SCD5: variants seen among roughly 807,000 people sequenced by gnomAD.
SCD5 encodes acyl-CoA-desaturase 4.
Under a neutral mutation model 30.4 loss-of-function variants are expected in SCD5, and 20 were observed. The observed-to-expected ratio is 0.66, with a 90% confidence interval of 0.46 to 0.96. The LOEUF (loss-of-function observed/expected upper bound fraction) is 0.96, where lower values mean the gene tolerates loss of function less well. Ranked by LOEUF, SCD5 falls within the 40% of genes least tolerant of loss-of-function variation. The pLI is 0.00. For missense variants in SCD5, 381 were observed against 443.3 expected (o/e 0.86, Z 1.26); for synonymous variants, 173 against 176.4 (o/e 0.98, Z 0.16).
intron 3 of SCD5, among the ~76,000 whole-genome samples, chr4:82,653,614 A>T (rs1727800727): frequency 6.6e-6 from 1 of 151,772 alleles, no homozygotes; most frequent in Admixed American, 6.6e-5. Context: ...GAAAGTTTTC[A>T]TTATCACAAA....
intron 1 of SCD5, among the ~76,000 whole-genome samples, chr4:82,733,991 C>G (rs1464523575): frequency 6.6e-6 from 1 of 152,092 alleles, no homozygotes; most frequent in Non-Finnish European, 1.5e-5. Flanking sequence ...AAAATGGCCA[C>G]TATTACATAC....
rs1389407673 is a variant in SCD5, at chr4:82,681,052, A to C, written c.364-140T>G. 8.9e-6 allele frequency: 6 copies of C among 671,024 alleles called. No homozygotes were observed. The East Asian group carries it at 1.6e-4, about 18-fold the overall frequency. The allele number at this position is 671,024 out of a possible 1,614,324, so 41.6% of individuals were successfully genotyped here. On this transcript the variant is annotated intron_variant, in intron 2 of 4. Transcript: ENST00000319540. ...TCCTGTCTTCAACCCACAGTCCCTC[A>C]ACCTCAAGTTCAATCCCCTGTGGTC...
At position 82,769,903 on chromosome 4, in the gene SCD5, T is replaced by TTAAAACTA. The variant is rs1284995868; in HGVS notation, c.232+28395_232+28402dup. ...CTATTCTTGCAACTTTTTTATAAGT[T>TTAAAACTA]TAAAACTATATCAAAATAAAAACTT... On this transcript the variant is annotated intron_variant, in intron 1 of 4. Transcript: ENST00000319540. 3.3e-5 allele frequency among the ~76,000 whole-genome samples: 5 copies of TTAAAACTA among 152,206 alleles called. No homozygotes were observed. In the East Asian group the frequency reaches 9.6e-4, roughly 29 times the overall value.
intron 2 of SCD5, among the ~76,000 whole-genome samples, chr4:82,701,865 G>T (rs1015343179): frequency 2.6e-5 from 4 of 152,158 alleles, no homozygotes; most frequent in Non-Finnish European, 1.5e-5. Flanking sequence ...ATGCATGAGC[G>T]TGACAGCACA....
chr4:82,795,724 C>T (rs1026520443), intron 1 of SCD5, among the ~76,000 whole-genome samples: 6 of 128,880 alleles, frequency 4.7e-5, no homozygotes, highest in Non-Finnish European at 3.1e-5. Flanking sequence ...TGGGAGGCTG[C>T]GGTGGGAGCA....
At chr4:82,672,953 T>C (rs1728359422) in intron 3 of SCD5, among the ~76,000 whole-genome samples, 1 of 152,052 alleles carries the variant, frequency 6.6e-6, no homozygotes, top group African/African-American at 2.4e-5. Flanking sequence ...CACATGACCA[T>C]ATCAATAGAT....
At chr4:82,701,088 C>T (rs371806492) in intron 2 of SCD5, among the ~76,000 whole-genome samples, 1 of 152,104 alleles carries the variant, frequency 6.6e-6, no homozygotes, top group African/African-American at 2.4e-5. Flanking sequence ...TCGTAAAAGA[C>T]AGGAGGGAGA....
chr4:82,734,270 C>A (rs1454124140), intron 1 of SCD5, among the ~76,000 whole-genome samples: 2 of 152,114 alleles, frequency 1.3e-5, no homozygotes, highest in African/African-American at 4.8e-5. Context: ...CCCATACTGG[C>A]CTCCCTCACT....
At chr4:82,631,620 G>T in intron 4 of SCD5, 103 bp from the exon 5 acceptor site, 1 of 1,217,764 alleles carries the variant, frequency 8.2e-7, no homozygotes, top group Non-Finnish European at 1.1e-6. Context: ...AGGACATGGT[G>T]TCAGCCTCTG....
chr4:82,678,007 G>A (rs1728471896), intron 3 of SCD5, among the ~76,000 whole-genome samples: 1 of 151,908 alleles, frequency 6.6e-6, no homozygotes, highest in South Asian at 2.1e-4. Flanking sequence ...TCTCCTGTTT[G>A]GCCTGTACTC....
At chr4:82,664,728 T>G (rs565578718) in intron 3 of SCD5, among the ~76,000 whole-genome samples, 3 of 152,126 alleles carry the variant, frequency 2.0e-5, no homozygotes, top group African/African-American at 7.2e-5. Context: ...CTTGAAGATA[T>G]GCCAATAGAA....
At chr4:82,712,519 T>C (rs576406148) in intron 1 of SCD5, among the ~76,000 whole-genome samples, 17 of 151,088 alleles carry the variant, frequency 1.1e-4, no homozygotes, top group African/African-American at 3.9e-4. Context: ...GGTTTCACCA[T>C]GTTGGCCAGG....
At chr4:82,735,439 T>G (rs1304946806) in intron 1 of SCD5, among the ~76,000 whole-genome samples, 2 of 152,068 alleles carry the variant, frequency 1.3e-5, no homozygotes, top group South Asian at 4.2e-4. Context: ...CACCCTGAAG[T>G]GCAATAAGCG....
intron 1 of SCD5, among the ~76,000 whole-genome samples, chr4:82,759,349 CTCTT>C (rs1376366608): frequency 3.3e-5 from 5 of 152,186 alleles, no homozygotes; most frequent in Non-Finnish European, 7.4e-5. Context: ...CGCACCTCCT[CTCTT>C]TCTTCCTAGA....
Position 82,693,761 on chromosome 4 carries a change from C to T in SCD5, c.363+11522G>A, listed in dbSNP as rs141765618. On this transcript the variant is annotated intron_variant, in intron 2 of 4. Transcript: ENST00000319540. ...GTTCTGAGTGCTGGGGTCCCCCAGACGGACACAGAGGTCCTCCTGGGTGCA... is the reference window on the plus strand; with the variant it reads ...GTTCTGAGTGCTGGGGTCCCCCAGATGGACACAGAGGTCCTCCTGGGTGCA... Among the ~76,000 whole-genome samples, 405 of 152,308 alleles carry T rather than the reference C, an allele frequency of 2.7e-3. 1 individual carries two copies. Among genetic ancestry groups the T allele is most frequent in the Middle Eastern group, 0.024 (7 of 294 alleles).
intron 4 of SCD5, among the ~76,000 whole-genome samples, chr4:82,633,780 C>G (rs1727368956): frequency 6.6e-6 from 1 of 152,210 alleles, no homozygotes; most frequent in South Asian, 2.1e-4. Context: ...AATTCACTTA[C>G]TGTACAATTC....
At chr4:82,637,085 A>C (rs1250297994) in intron 3 of SCD5, among the ~76,000 whole-genome samples, 3 of 152,256 alleles carry the variant, frequency 2.0e-5, no homozygotes, top group Non-Finnish European at 4.4e-5. Context: ...CATACCTCAG[A>C]ATAACTTCAG....
intron 1 of SCD5, among the ~76,000 whole-genome samples, chr4:82,760,625 G>C (rs1173926724): frequency 6.6e-6 from 1 of 151,966 alleles, no homozygotes; most frequent in East Asian, 1.9e-4. Context: ...TAACTCACTT[G>C]TTTTCAAGAC....
intron 1 of SCD5, among the ~76,000 whole-genome samples, chr4:82,724,249 G>A (rs534038381): frequency 6.6e-6 from 1 of 152,266 alleles, no homozygotes; most frequent in East Asian, 1.9e-4. Context: ...TCTCTTTTTA[G>A]GTCTAACATT....
Sources: gnomAD v4.1 joint callset for allele counts (sites outside exome capture counted in the v4.1 genomes callset) on GRCh38, gnomAD v4.1.1 for gene constraint, MANE v1.5 for transcripts, NCBI Gene and HGNC (gene_info 2026-07-23, HGNC 2026-07-21) for gene names.